Variants in PCDH15 observed in about 807,000 individuals in gnomAD.
PCDH15 encodes the protein protocadherin related 15, also known as protocadherin-15.
Under a neutral mutation model 178.5 loss-of-function variants are expected in PCDH15, and 129 were observed. That is an observed-to-expected ratio of 0.72 (90% CI 0.63 to 0.84). The LOEUF is 0.84. Among genes scored for constraint, PCDH15 ranks in the 40% least tolerant of loss-of-function variants. The probability of loss-of-function intolerance (pLI) is 0.00; values close to 1 mark genes in which losing one functional copy is unlikely to be tolerated. For synonymous variants in PCDH15, 800 were observed against 732.0 expected (o/e 1.09, Z -1.50); for missense variants, 2,230 against 2,099.9 (o/e 1.06, Z -1.21).
At position 53,931,521 on chromosome 10, in the gene PCDH15, G is replaced by A. The variant is rs183750937; in HGVS notation, c.3373+7294C>T. Among the ~76,000 whole-genome samples the A allele has an allele frequency of 1.7e-3, 263 of 152,182 alleles. 2 individuals are homozygous for A. The highest frequency in any genetic ancestry group is 0.014 in the Middle Eastern group (4 of 294). ...AACAGATACAAACTTCTGTCGTTGC[G>A]CAGACTAAATCCATTTTAACAATAT... On this transcript the variant is annotated intron_variant, in intron 25 of 37. Transcript: ENST00000644397.
At chr10:54,587,669 T>A (rs920863610) in intron 2 of PCDH15, among the ~76,000 whole-genome samples, 4 of 152,206 alleles carry the variant, frequency 2.6e-5, no homozygotes, top group African/African-American at 7.2e-5. Flanking sequence ...CATTGCCCCC[T>A]TCATTGTAAG....
intron 3 of PCDH15, among the ~76,000 whole-genome samples, chr10:54,412,144 GA>G (rs1479475417): frequency 4.6e-5 from 7 of 151,956 alleles, no homozygotes; most frequent in South Asian, 4.1e-4. Context: ...ACTGACAATA[GA>G]TGGAGGTCAG....
At chr10:54,740,912 C>CA (rs1442271042) in intron 1 of PCDH15, among the ~76,000 whole-genome samples, 1 of 151,622 alleles carries the variant, frequency 6.6e-6, no homozygotes, top group African/African-American at 2.4e-5. Flanking sequence ...TTAATGGATA[C>CA]AAAAATATAT....
At chr10:54,611,790 ATCTG>A (rs1255845211) in intron 2 of PCDH15, among the ~76,000 whole-genome samples, 3 of 151,868 alleles carry the variant, frequency 2.0e-5, no homozygotes, top group Non-Finnish European at 2.9e-5. Flanking sequence ...TGTATTTCTC[ATCTG>A]TCTAAGTCAG....
intron 11 of PCDH15, among the ~76,000 whole-genome samples, chr10:54,191,782 A>G (rs1056231473): frequency 1.1e-4 from 16 of 148,924 alleles, no homozygotes; most frequent in Non-Finnish European, 1.5e-4. Context: ...TTAGCTAGGC[A>G]TGGTGGTACA....
At chr10:55,093,890 C>A (rs1842379417) in intron 2 of PCDH15, among the ~76,000 whole-genome samples, 1 of 152,148 alleles carries the variant, frequency 6.6e-6, no homozygotes, top group Non-Finnish European at 1.5e-5. Flanking sequence ...AGTCAGGAAA[C>A]AACAGGTGCT....
At chr10:55,124,560 T>A (rs944256943) in intron 2 of PCDH15, among the ~76,000 whole-genome samples, 3 of 152,156 alleles carry the variant, frequency 2.0e-5, no homozygotes, top group Non-Finnish European at 4.4e-5. Flanking sequence ...ATCCTCTCCC[T>A]ATTTTGCCTG....
intron 15 of PCDH15, among the ~76,000 whole-genome samples, chr10:54,130,205 G>A (rs2042315248): frequency 6.6e-6 from 1 of 152,126 alleles, no homozygotes; most frequent in Non-Finnish European, 1.5e-5. Context: ...TCTATATTGG[G>A]TGGTGTGCTG....
chr10:54,123,283 C>A (rs1458400668), intron 15 of PCDH15, among the ~76,000 whole-genome samples: 1 of 152,088 alleles, frequency 6.6e-6, no homozygotes, highest in African/African-American at 2.4e-5. Flanking sequence ...CAACAAATGT[C>A]TTATATTCAC....
intron 3 of PCDH15, among the ~76,000 whole-genome samples, chr10:54,889,205 A>C (rs770999936): frequency 7.2e-5 from 11 of 151,834 alleles, no homozygotes; most frequent in Non-Finnish European, 1.6e-4. Flanking sequence ...CCTTGATGTG[A>C]GAAAGACCTT....
intron 2 of PCDH15, among the ~76,000 whole-genome samples, chr10:54,603,163 G>T (rs1177643726): frequency 6.6e-6 from 1 of 151,734 alleles, no homozygotes; most frequent in Non-Finnish European, 1.5e-5. Flanking sequence ...CTAATTTGTT[G>T]GTGTATATTT....
intron 26 of PCDH15, among the ~76,000 whole-genome samples, chr10:53,899,088 T>A (rs1310948660): frequency 1.3e-5 from 2 of 151,548 alleles, no homozygotes; most frequent in African/African-American, 4.8e-5. Context: ...AAATTAGGTA[T>A]TTTGTCCATC....
chr10:53,806,479 A>ATGAT lies in PCDH15; in HGVS notation c.*96_*99dup. The ATGAT allele has an allele frequency of 9.9e-7, 1 of 1,014,954 alleles. No individual in the cohort carries two copies. The highest frequency in any genetic ancestry group is 1.8e-5 in the South Asian group (1 of 55,506). The allele number at this position is 1,014,954 out of a possible 1,614,324, so 62.9% of individuals were successfully genotyped here. A position where few individuals can be genotyped will look rare whatever the true frequency, so the allele number is the denominator to read the frequency against. On this transcript the variant is annotated 3_prime_UTR_variant, in exon 38 of 38. Transcript: ENST00000644397. ...TTGTTCAAAGTTTTAGCTTGTGTGC[A>ATGAT]TGATATAAATTCCATACATTGTTTT...
chr10:54,286,979 A>C (rs2059068862), intron 8 of PCDH15, among the ~76,000 whole-genome samples: 1 of 152,204 alleles, frequency 6.6e-6, no homozygotes, highest in South Asian at 2.1e-4. Flanking sequence ...TGCTGTACTT[A>C]TTAAATGGTC....
chr10:54,922,055 C>G (rs1427558444), intron 2 of PCDH15, among the ~76,000 whole-genome samples: 1 of 152,294 alleles, frequency 6.6e-6, no homozygotes, highest in East Asian at 1.9e-4. Context: ...CCAGCAGGCT[C>G]CGCCTCCAAC....
chr10:54,800,686 A>G (rs893807385), intron 1 of PCDH15, among the ~76,000 whole-genome samples: 2 of 152,196 alleles, frequency 1.3e-5, no homozygotes, highest in Admixed American at 6.5e-5. Context: ...TTACATTGTC[A>G]TCTAAACAAA....
intron 6 of PCDH15, 135 bp downstream of exon 6, chr10:54,346,230 G>T: frequency 1.2e-6 from 1 of 839,998 alleles, no homozygotes; most frequent in Non-Finnish European, 1.8e-6. Context: ...ATTCAATTTT[G>T]AGACATTTTT....
chr10:54,800,684 T>C (rs990616276), intron 1 of PCDH15, among the ~76,000 whole-genome samples: 1 of 152,188 alleles, frequency 6.6e-6, no homozygotes, highest in Non-Finnish European at 1.5e-5. Flanking sequence ...GATTACATTG[T>C]CATCTAAACA....
chr10:54,675,431 C>A (rs181226335), intron 1 of PCDH15, among the ~76,000 whole-genome samples: 375 of 149,962 alleles, frequency 2.5e-3, no homozygotes, highest in Middle Eastern at 0.014. Context: ...TTCATTCTGA[C>A]CTTTTTAATT....
Sources: gnomAD v4.1 joint callset for allele counts (sites outside exome capture counted in the v4.1 genomes callset) on GRCh38, gnomAD v4.1.1 for gene constraint, MANE v1.5 for transcripts, NCBI Gene and HGNC (gene_info 2026-07-23, HGNC 2026-07-21) for gene names.